The following ATRNL1 variants were observed in gnomAD, a reference collection of about 807,000 sequenced individuals.
The protein encoded by ATRNL1 is attractin like 1, also known as attractin-like protein 1.
Under a neutral mutation model 182.7 loss-of-function variants are expected in ATRNL1, and 95 were observed. That is an observed-to-expected ratio of 0.52 (90% confidence interval 0.44 to 0.62). The LOEUF (loss-of-function observed/expected upper bound fraction) is 0.62, where lower values mean the gene tolerates loss of function less well. Ranked by LOEUF, ATRNL1 falls within the 20% of genes least tolerant of loss-of-function variation. ATRNL1 has a pLI of 0.00. For synonymous variants in ATRNL1, 576 were observed against 568.3 expected (o/e 1.01, Z -0.19); for missense variants, 1,471 against 1,679.5 (o/e 0.88, Z 2.17).
At chr10:115,340,748 A>G (rs1296138513) in intron 19 of ATRNL1, among the ~76,000 whole-genome samples, 2 of 149,820 alleles carry the variant, frequency 1.3e-5, no homozygotes, top group Admixed American at 1.3e-4. Flanking sequence ...TTCCCAGTTC[A>G]ATCTCGGTAG....
chr10:115,268,528 GA>G, intron 13 of ATRNL1, 84 bp downstream of exon 13: 3 of 935,716 alleles, frequency 3.2e-6, no homozygotes, highest in Non-Finnish European at 5.2e-6. Flanking sequence ...TAGCACTGTA[GA>G]AAAAAAGCAC....
At chr10:115,883,512 A>T (rs777915243) in intron 28 of ATRNL1, among the ~76,000 whole-genome samples, 13 of 152,268 alleles carry the variant, frequency 8.5e-5, no homozygotes, top group Admixed American at 2.0e-4. Context: ...TGGATAAATG[A>T]AGTGTAGTAT....
intron 1 of ATRNL1, among the ~76,000 whole-genome samples, chr10:115,097,480 T>C (rs1378208578): frequency 6.6e-6 from 1 of 151,518 alleles, no homozygotes; most frequent in Non-Finnish European, 1.5e-5. Context: ...AGCGAGACTC[T>C]TCTTAAAAAT....
intron 28 of ATRNL1, among the ~76,000 whole-genome samples, chr10:115,912,416 T>TTTGTGTGTG (rs1565481394): frequency 1.4e-5 from 2 of 148,092 alleles, no homozygotes; most frequent in Admixed American, 1.4e-4. Flanking sequence ...ATATATATAT[T>TTTGTGTGTG]TGTGTGTGTG....
chr10:115,845,596 T>G (rs1411961634), intron 27 of ATRNL1, among the ~76,000 whole-genome samples: 4 of 152,100 alleles, frequency 2.6e-5, no homozygotes, highest in African/African-American at 9.6e-5. Context: ...ATTGATGTAC[T>G]ACTGAATCAT....
In ATRNL1 at chr10:115,550,441, T is replaced by C. The variant is rs1554995263; in HGVS notation, c.3795+905T>C. On this transcript the variant is annotated intron_variant, in intron 26 of 28. Transcript: ENST00000355044. ...AAATAATCCAGAGTGTTCTAAGCTA[T>C]AGAATTAGTGAGTGATATGGGTTCT... Among the ~76,000 whole-genome samples, 6 of 151,818 alleles carry C rather than the reference T, an allele frequency of 4.0e-5. 1 individual carries two copies. The South Asian group carries it at 8.3e-4, about 21-fold the overall frequency.
At chr10:115,325,732 A>G (rs1854838276) in intron 18 of ATRNL1, among the ~76,000 whole-genome samples, 1 of 152,102 alleles carries the variant, frequency 6.6e-6, no homozygotes, top group African/African-American at 2.4e-5. Flanking sequence ...AACTTCTTTT[A>G]TCATCAAGAG....
intron 26 of ATRNL1, among the ~76,000 whole-genome samples, chr10:115,638,833 C>T (rs1050205068): frequency 1.3e-5 from 2 of 151,890 alleles, no homozygotes; most frequent in Non-Finnish European, 2.9e-5. Context: ...ACTGAAATTG[C>T]GGATAAAACA....
intron 28 of ATRNL1, among the ~76,000 whole-genome samples, chr10:115,881,195 G>A (rs927859772): frequency 2.0e-5 from 3 of 152,196 alleles, no homozygotes; most frequent in Non-Finnish European, 4.4e-5. Context: ...GGTAGGCTGC[G>A]TATCCAGCTA....
At chr10:115,247,287 C>T (rs1554904307) in intron 10 of ATRNL1, among the ~76,000 whole-genome samples, 1 of 151,994 alleles carries the variant, frequency 6.6e-6, no homozygotes, top group Non-Finnish European at 1.5e-5. Flanking sequence ...CCAGAATATA[C>T]AAAGAACTAA....
intron 26 of ATRNL1, among the ~76,000 whole-genome samples, chr10:115,640,955 G>A (rs1427297677): frequency 1.3e-5 from 2 of 152,058 alleles, no homozygotes; most frequent in African/African-American, 4.8e-5. Context: ...TGTATAAGGT[G>A]TAAGGAAGGG....
intron 25 of ATRNL1, among the ~76,000 whole-genome samples, chr10:115,538,551 C>G (rs573043114): frequency 1.4e-4 from 22 of 152,074 alleles, no homozygotes; most frequent in African/African-American, 5.1e-4. Flanking sequence ...TTTAGTTTTG[C>G]TGTTTATTTT....
chr10:115,446,398 T>C (rs1187648483), intron 21 of ATRNL1, among the ~76,000 whole-genome samples: 1 of 152,048 alleles, frequency 6.6e-6, no homozygotes, highest in African/African-American at 2.4e-5. Context: ...TTTATTTAGC[T>C]CTCTTTTTAT....
At chr10:115,403,276 T>TTTTTTTTTTG (rs1554957418) in intron 20 of ATRNL1, among the ~76,000 whole-genome samples, 4 of 140,174 alleles carry the variant, frequency 2.9e-5, no homozygotes, top group African/African-American at 1.0e-4. Context: ...TTTTTTTTTT[T>TTTTTTTTTTG]AGTCTGCTAT....
chr10:115,387,358 A>G (rs1239844135), intron 19 of ATRNL1, among the ~76,000 whole-genome samples: 2 of 152,116 alleles, frequency 1.3e-5, no homozygotes, highest in Non-Finnish European at 2.9e-5. Flanking sequence ...CTCTATAACT[A>G]TCTCTGATAT....
chr10:115,210,346 TTG>T (rs199755144), intron 8 of ATRNL1, among the ~76,000 whole-genome samples: 3 of 151,658 alleles, frequency 2.0e-5, no homozygotes, highest in African/African-American at 7.2e-5. Flanking sequence ...TTGTATTTGT[TTG>T]TGTGTGTGTG....
At chr10:115,349,332 A>G (rs1266306707) in intron 19 of ATRNL1, among the ~76,000 whole-genome samples, 1 of 152,228 alleles carries the variant, frequency 6.6e-6, no homozygotes, top group Non-Finnish European at 1.5e-5. Flanking sequence ...TTGTGTATAT[A>G]TACCACATTT....
At chr10:115,122,818 A>G (rs192675548) in intron 3 of ATRNL1, among the ~76,000 whole-genome samples, 5 of 152,286 alleles carry the variant, frequency 3.3e-5, no homozygotes, top group East Asian at 1.9e-4. Flanking sequence ...AAGGATAGCC[A>G]TAAGCAGCCC....
In ATRNL1 at chr10:115,502,595, A is replaced by G. The variant is rs556522029; in HGVS notation, c.3655-16668A>G. ...AAAATTTTAATCCTGACCATAGGAT[A>G]TAACTTCCATAATCCTCTTATAACC... is the stretch of plus-strand genomic sequence containing the variant. On this transcript the variant is annotated intron_variant, in intron 24 of 28. Transcript: ENST00000355044. Among the ~76,000 whole-genome samples the G allele has an allele frequency of 1.4e-4, 21 of 152,248 alleles. No homozygotes were observed. In the South Asian group the frequency reaches 4.4e-3, roughly 32 times the overall value.
Sources: gnomAD v4.1 joint callset for allele counts (sites outside exome capture counted in the v4.1 genomes callset) on GRCh38, gnomAD v4.1.1 for gene constraint, MANE v1.5 for transcripts, NCBI Gene and HGNC (gene_info 2026-07-23, HGNC 2026-07-21) for gene names.